DNER: variants seen among roughly 807,000 people sequenced by gnomAD.
The protein encoded by DNER is delta/notch like EGF repeat containing.
DNER carries 33 observed loss-of-function variants against 78.2 expected under a neutral mutation model. That is an observed-to-expected ratio of 0.42 (90% CI 0.32 to 0.56). The LOEUF is 0.56. DNER is among the 20% of genes least tolerant of loss of function. The probability of loss-of-function intolerance (pLI) is 0.11; values close to 1 mark genes in which losing one functional copy is unlikely to be tolerated. For missense variants in DNER, 918 were observed against 975.3 expected, an observed-to-expected ratio of 0.94 and a Z score of 0.78; for synonymous variants, 417 against 384.8, an observed-to-expected ratio of 1.08 and a Z score of -0.98.
intron 11 of DNER, among the ~76,000 whole-genome samples, chr2:229,367,679 A>G (rs913903086): frequency 6.6e-6 from 1 of 152,190 alleles, no homozygotes; most frequent in Non-Finnish European, 1.5e-5. Context: ...ATACAAATAG[A>G]AAATTACTTG....
intron 1 of DNER, among the ~76,000 whole-genome samples, chr2:229,678,993 T>C (rs1346188092): frequency 6.6e-6 from 1 of 152,160 alleles, no homozygotes; most frequent in Non-Finnish European, 1.5e-5. Flanking sequence ...ACACTGATGA[T>C]TTTGGTCTGA....
At chr2:229,554,923 A>T in intron 4 of DNER, among the ~76,000 whole-genome samples, 1 of 88,832 alleles carries the variant, frequency 1.1e-5, no homozygotes, top group Non-Finnish European at 2.4e-5. Context: ...AAGAGAAGAG[A>T]AGAGAAGAGA....
At chr2:229,690,323 T>C (rs1203598710) in intron 1 of DNER, among the ~76,000 whole-genome samples, 1 of 152,200 alleles carries the variant, frequency 6.6e-6, no homozygotes, top group African/African-American at 2.4e-5. Context: ...AAATATGTCT[T>C]GCAGGGATCA....
rs377609875 is a variant in DNER at position 229,511,902 on chromosome 2, T to G, written c.1147+881A>C. Among the ~76,000 whole-genome samples the G allele has an allele frequency of 2.2e-4, 33 of 152,332 alleles. 2 individuals carry two copies. Among genetic ancestry groups the G allele is most frequent in the African/African-American group, 7.0e-4 (29 of 41,574 alleles). ...TTCCATTCCCTGATTACATAAAGCA[T>G]AGACTGATAGCATCAAATGAGATCT... On this transcript the variant is annotated intron_variant, in intron 6 of 12. Coordinates refer to ENST00000341772, the MANE Select transcript of DNER (RefSeq NM_139072.4).
At chr2:229,455,997 C>A (rs1002481622) in intron 7 of DNER, among the ~76,000 whole-genome samples, 1 of 152,074 alleles carries the variant, frequency 6.6e-6, no homozygotes, top group Non-Finnish European at 1.5e-5. Context: ...GCTGTGGCAC[C>A]CAACACCTGG....
chr2:229,634,554 G>A (rs999421491), intron 1 of DNER, among the ~76,000 whole-genome samples: 3 of 152,142 alleles, frequency 2.0e-5, no homozygotes, highest in Non-Finnish European at 4.4e-5. Flanking sequence ...ATTTTGTAAG[G>A]ATGTAATTAC....
At chr2:229,429,440 G>A (rs916662380) in intron 8 of DNER, among the ~76,000 whole-genome samples, 7 of 152,054 alleles carry the variant, frequency 4.6e-5, no homozygotes, top group Non-Finnish European at 8.8e-5. Flanking sequence ...AGGAGGACAC[G>A]GGCCTGGCAT....
At chr2:229,681,328 C>T (rs778620492) in intron 1 of DNER, among the ~76,000 whole-genome samples, 7 of 152,168 alleles carry the variant, frequency 4.6e-5, no homozygotes, top group Non-Finnish European at 1.0e-4. Flanking sequence ...AGTCCTGGAT[C>T]TCAAACATTC....
At chr2:229,708,635 T>G (rs895986708) in intron 1 of DNER, among the ~76,000 whole-genome samples, 1 of 152,194 alleles carries the variant, frequency 6.6e-6, no homozygotes, top group Non-Finnish European at 1.5e-5. Flanking sequence ...TCAAATACCC[T>G]TCAAATTCAG....
At chr2:229,506,668 C>G (rs577393073) in intron 6 of DNER, among the ~76,000 whole-genome samples, 2 of 148,686 alleles carry the variant, frequency 1.3e-5, no homozygotes, top group South Asian at 4.4e-4. Context: ...ATCCCTCCCC[C>G]CTCCCCCTAC....
At chr2:229,369,267 T>C (rs1193582057) in intron 11 of DNER, among the ~76,000 whole-genome samples, 8 of 151,758 alleles carry the variant, frequency 5.3e-5, no homozygotes, top group South Asian at 2.1e-4. Flanking sequence ...GTTTTAACTT[T>C]CTAAAAAGTT....
chr2:229,669,135 A>G (rs1022108425), intron 1 of DNER, among the ~76,000 whole-genome samples: 13 of 152,012 alleles, frequency 8.6e-5, no homozygotes, highest in African/African-American at 2.9e-4. Context: ...CAAATACCAC[A>G]TGTTCTCACT....
At chr2:229,679,094 T>G (rs1699346263) in intron 1 of DNER, among the ~76,000 whole-genome samples, 1 of 152,176 alleles carries the variant, frequency 6.6e-6, no homozygotes, top group Non-Finnish European at 1.5e-5. Context: ...AGAGGCCCTG[T>G]AGACAGAGTT....
chr2:229,418,189 G>A lies in DNER; in HGVS notation c.1528C>T (p.Leu510Phe). ...LYCEEEYNEC[L>F]SAPCLNAATC... Reference sequence around the variant, plus strand: ...GCTGCATTCAGGCATGGAGCGGAGAGGCACTCATTATATTCCTCCTCACAG... The same window carrying A: ...GCTGCATTCAGGCATGGAGCGGAGAAGCACTCATTATATTCCTCCTCACAG... The change falls in exon 9 of 13, where the codon CTC becomes TTC. Residue 510 changes from leucine to phenylalanine, a missense_variant. Coordinates refer to ENST00000341772, the MANE Select transcript of DNER (RefSeq NM_139072.4). 2.5e-6 allele frequency: 4 copies of A among 1,614,092 alleles called. No individual in the cohort carries two copies. Among genetic ancestry groups the A allele is most frequent in the South Asian group, 1.1e-5 (1 of 91,084 alleles).
intron 1 of DNER, among the ~76,000 whole-genome samples, chr2:229,674,347 C>T (rs768863350): frequency 4.6e-5 from 7 of 152,190 alleles, no homozygotes; most frequent in African/African-American, 9.7e-5. Context: ...GATGCGATCT[C>T]GGCTTACTGC....
rs958759037 is a variant in DNER, at chr2:229,460,134, G to A, written c.1262-12594C>T. ...ATCGCGCCACTACACTCCAGCCTGG[G>A]TGACAGAGTGAGACTCCGTCTCAAA... On this transcript the variant is annotated intron_variant, in intron 7 of 12. Coordinates refer to ENST00000341772, the MANE Select transcript of DNER (RefSeq NM_139072.4). Among the ~76,000 whole-genome samples the A allele has an allele frequency of 1.0e-4, 13 of 125,860 alleles. 1 individual carries two copies. The highest frequency in any genetic ancestry group is 4.1e-4 in the African/African-American group (13 of 31,530). The allele number at this position is 125,860 out of a possible 152,430, so 82.6% of individuals were successfully genotyped here.
At chr2:229,608,025 A>C (rs1429256517) in intron 1 of DNER, among the ~76,000 whole-genome samples, 2 of 150,828 alleles carry the variant, frequency 1.3e-5, no homozygotes, top group Non-Finnish European at 3.0e-5. Flanking sequence ...CTGTCTCAAA[A>C]AAAAAAAAAA....
At chr2:229,675,813 G>A (rs183635375) in intron 1 of DNER, among the ~76,000 whole-genome samples, 107 of 152,278 alleles carry the variant, frequency 7.0e-4, no homozygotes, top group Non-Finnish European at 8.2e-4. Context: ...CCCAAGGCTC[G>A]TGCTCAGCAG....
chr2:229,617,090 C>A (rs1456017270), intron 1 of DNER, among the ~76,000 whole-genome samples: 2 of 152,188 alleles, frequency 1.3e-5, no homozygotes, highest in Non-Finnish European at 2.9e-5. Flanking sequence ...AATAGGAAAT[C>A]ATTTATGACA....
Sources: gnomAD v4.1 joint callset for allele counts (sites outside exome capture counted in the v4.1 genomes callset) on GRCh38, gnomAD v4.1.1 for gene constraint, MANE v1.5 for transcripts, NCBI Gene and HGNC (gene_info 2026-07-23, HGNC 2026-07-21) for gene names.